The following AKAP12 variants were observed in gnomAD, a reference collection of about 807,000 sequenced individuals.
The protein encoded by AKAP12 is A-kinase anchor protein 12.
In AKAP12, 32 loss-of-function variants were observed where a neutral mutation model predicts 79.9. The ratio of observed to expected loss-of-function variants is 0.40; its 90% CI spans 0.30 to 0.54. The LOEUF (loss-of-function observed/expected upper bound fraction) is 0.54, where lower values mean the gene tolerates loss of function less well. AKAP12 is among the 20% of genes least tolerant of loss of function. AKAP12 has a pLI of 0.48. For synonymous variants in AKAP12, 808 were observed against 857.0 expected, an observed-to-expected ratio of 0.94 and a Z score of 1.00; for missense variants, 2,074 against 2,177.0, an observed-to-expected ratio of 0.95 and a Z score of 0.94.
In AKAP12 at chr6:151,353,062, C is replaced by G. The variant is rs774035691; in HGVS notation, c.4671C>G (p.Ala1557=). The G allele has an allele frequency of 6.2e-6, 10 of 1,614,104 alleles. No homozygotes were observed. The East Asian group carries it at 2.2e-4, about 36-fold the overall frequency. Residue 1557 remains alanine (A), a synonymous_variant, in exon 4 of 5, where the codon GCC becomes GCG. Coordinates refer to ENST00000402676, the MANE Select transcript of AKAP12 (RefSeq NM_005100.4). ...TTGTCCAAAACATCATCCAGACAGC[C>G]GTTGACCAGTTTGTACGTACAGAAG... ...SKLVQNIIQT[A]VDQFVRTEET...
intron 3 of AKAP12, among the ~76,000 whole-genome samples, chr6:151,316,250 A>G (rs1777232166): frequency 1.3e-5 from 2 of 152,184 alleles, no homozygotes; most frequent in African/African-American, 4.8e-5. Context: ...TCCGACCTCT[A>G]GTGTTAACCA....
At chr6:151,336,013 G>A (rs1777803079) in intron 3 of AKAP12, among the ~76,000 whole-genome samples, 1 of 152,116 alleles carries the variant, frequency 6.6e-6, no homozygotes, top group African/African-American at 2.4e-5. Context: ...ATGAGAATAT[G>A]CAGCATTTTA....
intron 2 of AKAP12, among the ~76,000 whole-genome samples, chr6:151,273,997 C>T (rs887530159): frequency 2.0e-5 from 3 of 151,484 alleles, no homozygotes; most frequent in African/African-American, 7.3e-5. Context: ...CCACTGCACT[C>T]CAGCCTGGGC....
intron 2 of AKAP12, among the ~76,000 whole-genome samples, chr6:151,252,077 C>T (rs962682054): frequency 6.6e-5 from 10 of 152,176 alleles, no homozygotes; most frequent in African/African-American, 2.2e-4. Context: ...AGAGGGCTTC[C>T]GTGAACTCAA....
chr6:151,348,922 G>A lies in AKAP12; in HGVS notation c.531G>A (p.Lys177=), dbSNP rs150800093. ...ATATTGGATTTAAGAAGGTGTTTAAGTTTGTTGGCTTTAAATTCACTGTGA... is the reference window on the plus strand; with the variant it reads ...ATATTGGATTTAAGAAGGTGTTTAAATTTGTTGGCTTTAAATTCACTGTGA... ...ANDIGFKKVF[K]FVGFKFTVKK... The change falls in exon 4 of 5, where the codon AAG becomes AAA. Residue 177 remains lysine, a synonymous_variant. Transcript: ENST00000402676. The A allele has an allele frequency of 1.5e-3, 2,407 of 1,614,068 alleles. 67 individuals carry two copies. In the East Asian group the frequency reaches 0.049, roughly 33 times the overall value.
At chr6:151,317,330 A>G (rs1777259831) in intron 3 of AKAP12, among the ~76,000 whole-genome samples, 1 of 152,236 alleles carries the variant, frequency 6.6e-6, no homozygotes, top group Non-Finnish European at 1.5e-5. Flanking sequence ...GTGGAACTAC[A>G]GAGAATAAAC....
intron 2 of AKAP12, among the ~76,000 whole-genome samples, chr6:151,243,519 T>A (rs1368578255): frequency 6.6e-6 from 1 of 152,230 alleles, no homozygotes; most frequent in Admixed American, 6.5e-5. Context: ...AGCTTTTGAT[T>A]ACTCAGGCTT....
At chr6:151,260,453 C>G (rs1441483601) in intron 2 of AKAP12, among the ~76,000 whole-genome samples, 1 of 152,180 alleles carries the variant, frequency 6.6e-6, no homozygotes, top group Non-Finnish European at 1.5e-5. Flanking sequence ...TTATTAACTT[C>G]TGGGATGTCA....
chr6:151,345,928 TGTGTGAGA>T (rs1299745334), intron 3 of AKAP12, among the ~76,000 whole-genome samples: 1,276 of 110,648 alleles, frequency 0.012, 12 homozygotes, highest in African/African-American at 0.039. Context: ...TGTGTGTGTG[TGTGTGAGA>T]GAGAGAGAGA....
chr6:151,269,971 A>G (rs777569582), intron 2 of AKAP12, among the ~76,000 whole-genome samples: 1 of 152,292 alleles, frequency 6.6e-6, no homozygotes, highest in Middle Eastern at 3.4e-3. Flanking sequence ...GGAATCATAC[A>G]ATATGTGGCC....
chr6:151,253,521 C>T (rs750517822), intron 2 of AKAP12, among the ~76,000 whole-genome samples: 4 of 152,086 alleles, frequency 2.6e-5, no homozygotes, highest in Non-Finnish European at 4.4e-5. Flanking sequence ...CCACTGCACC[C>T]GGCCAAAACA....
In AKAP12 at chr6:151,240,507, G is replaced by C. The variant is rs1217025440; in HGVS notation, c.-56G>C. 74 of 1,373,042 alleles carry C rather than the reference G, an allele frequency of 5.4e-5. No individual in the cohort carries two copies. Among genetic ancestry groups the C allele is most frequent in the Non-Finnish European group, 6.6e-5 (71 of 1,070,498 alleles). 85.1% of individuals were successfully genotyped at this position (1,373,042 alleles called of 1,614,324 possible). ...TCTTTTGGCTCTTGCCCCTGTCCCT[G>C]CGGCTTGGGGAAGGCGTAACCCGGC... On this transcript the variant is annotated 5_prime_UTR_variant, in exon 2 of 5. Transcript: ENST00000402676.
intron 3 of AKAP12, among the ~76,000 whole-genome samples, chr6:151,312,411 G>A (rs531618141): frequency 2.6e-5 from 4 of 152,164 alleles, no homozygotes; most frequent in Non-Finnish European, 5.9e-5. Flanking sequence ...CCAGGAGTTT[G>A]AGGCTGCAGT....
intron 3 of AKAP12, chr6:151,319,539 T>TATAG (rs1193227509): frequency 3.8e-5 from 3 of 78,026 alleles, no homozygotes; most frequent in African/African-American, 1.5e-4. Flanking sequence ...TATATATATA[T>TATAG]AGATATAGAT....
In AKAP12 at chr6:151,328,102, C is replaced by T. The variant is rs377553142; in HGVS notation, c.320-20609C>T. Among the ~76,000 whole-genome samples, 56 of 151,742 alleles carry T rather than the reference C, an allele frequency of 3.7e-4. No individual in the cohort carries two copies. In the East Asian group the frequency reaches 9.9e-3, roughly 27 times the overall value. ...CAGGACTTTGGGAGGCCGAGGTGGG[C>T]GGATCACGAGGTCAGGAGATCGAGA... On this transcript the variant is annotated intron_variant, in intron 3 of 4. Coordinates refer to ENST00000402676, the MANE Select transcript of AKAP12 (RefSeq NM_005100.4).
Position 151,290,867 on chromosome 6 carries a change from A to G in AKAP12, c.163-14880A>G, listed in dbSNP as rs1776604285. ...TCAGATGATCCGCCCGCCTCGGCCT[A>G]CCGAAGTGCTGGGATTACAGGCGTG... On this transcript the variant is annotated intron_variant, in intron 2 of 4. Coordinates refer to ENST00000402676, the MANE Select transcript of AKAP12 (RefSeq NM_005100.4). Among the ~76,000 whole-genome samples, 4 of 152,048 alleles carry G rather than the reference A, an allele frequency of 2.6e-5. No homozygotes were observed. In the South Asian group the frequency reaches 8.3e-4, roughly 32 times the overall value.
In AKAP12 at chr6:151,351,264, G is replaced by C. The variant is rs144497268; in HGVS notation, c.2873G>C (p.Arg958Thr). Reference sequence around the variant, plus strand: ...GTTACTGAACCTCTGCCAGAGAACAGAGAGGCCCGGGGCGACACGGTCGTT... The same window carrying C: ...GTTACTGAACCTCTGCCAGAGAACACAGAGGCCCGGGGCGACACGGTCGTT... The part of the protein sequence containing the change: ...PTVTEPLPEN[R>T]EARGDTVVSE... Residue 958 changes from arginine to threonine, a missense_variant, in exon 4 of 5, where the codon AGA becomes ACA. Physicochemically the swap from Arg to Thr is moderately conservative, Grantham distance 71. This residue lies in a region of AKAP12 where 1,428 missense variants were observed against 1,451.0 expected (regional missense o/e 0.98). Coordinates refer to ENST00000402676, the MANE Select transcript of AKAP12 (RefSeq NM_005100.4). This position sits in a 1 kb window ranked among gnomAD's most constrained non-coding sequence, Gnocchi z 4.4. The C allele has an allele frequency of 1.8e-4, 286 of 1,614,230 alleles. No homozygotes were observed. Among genetic ancestry groups the C allele is most frequent in the Non-Finnish European group, 2.2e-4 (256 of 1,180,052 alleles).
chr6:151,294,633 T>C (rs1336833931), intron 2 of AKAP12, among the ~76,000 whole-genome samples: 1 of 152,222 alleles, frequency 6.6e-6, no homozygotes, highest in Admixed American at 6.5e-5. Context: ...GTGGTGCTTT[T>C]TATTGCCCCC....
At chr6:151,252,852 G>C (rs1011816525) in intron 2 of AKAP12, among the ~76,000 whole-genome samples, 10 of 152,290 alleles carry the variant, frequency 6.6e-5, no homozygotes, top group African/African-American at 1.9e-4. Flanking sequence ...GCATGGCTGG[G>C]TGCACCTAAA....
Sources: allele counts gnomAD v4.1 joint callset (sites outside exome capture counted in the v4.1 genomes callset), GRCh38; gene constraint gnomAD v4.1.1; regional missense constraint gnomAD v4.1.1; non-coding constraint Gnocchi (gnomAD v3.1); transcripts MANE v1.5; gene names NCBI Gene and HGNC (gene_info 2026-07-23, HGNC 2026-07-21).